RGS6: variants seen among roughly 807,000 people sequenced by gnomAD.
RGS6 encodes regulator of G-protein signaling 6.
In RGS6, 30 loss-of-function variants were observed where a neutral mutation model predicts 78.5. The observed-to-expected ratio is 0.38, with a 90% CI of 0.29 to 0.52. RGS6 has a LOEUF of 0.52. Ranked by LOEUF, RGS6 falls within the 20% of genes least tolerant of loss-of-function variation. The pLI, the probability that RGS6 is intolerant of heterozygous loss-of-function variation, is 0.85. For synonymous variants in RGS6, 206 were observed against 206.0 expected (o/e 1.00, Z 0.00); for missense variants, 495 against 609.7 (o/e 0.81, Z 1.98).
intron 3 of RGS6, among the ~76,000 whole-genome samples, chr14:72,356,960 G>T (rs1192581655): frequency 2.0e-5 from 3 of 152,166 alleles, no homozygotes; most frequent in Non-Finnish European, 2.9e-5. Flanking sequence ...GTGGGGCACT[G>T]CTGTAAAGAT....
intron 2 of RGS6, among the ~76,000 whole-genome samples, chr14:72,143,097 A>G (rs935007622): frequency 6.6e-6 from 1 of 152,138 alleles, no homozygotes; most frequent in Non-Finnish European, 1.5e-5. Flanking sequence ...GCTGGGCTCC[A>G]TGGCTCACAT....
At chr14:72,226,382 A>G (rs553404771) in intron 2 of RGS6, among the ~76,000 whole-genome samples, 1 of 152,380 alleles carries the variant, frequency 6.6e-6, no homozygotes, top group South Asian at 2.1e-4. Flanking sequence ...AGTATATGAG[A>G]TGAAAAATAT....
At chr14:72,212,474 G>A (rs552556933) in intron 2 of RGS6, among the ~76,000 whole-genome samples, 1 of 152,288 alleles carries the variant, frequency 6.6e-6, no homozygotes, top group East Asian at 1.9e-4. Flanking sequence ...TTGTCCATGG[G>A]AGCTGTGATT....
intron 3 of RGS6, among the ~76,000 whole-genome samples, chr14:72,424,558 T>TA (rs1328806378): frequency 1.3e-5 from 2 of 152,078 alleles, no homozygotes; most frequent in African/African-American, 4.8e-5. Context: ...AGAGGGGTTG[T>TA]AAAAAAAGAT....
chr14:72,118,482 A>G (rs1037669849), intron 2 of RGS6, among the ~76,000 whole-genome samples: 1 of 152,222 alleles, frequency 6.6e-6, no homozygotes, highest in Non-Finnish European at 1.5e-5. Context: ...CCCTTCCTGG[A>G]AAAATGATTT....
intron 2 of RGS6, among the ~76,000 whole-genome samples, chr14:72,240,023 A>T (rs190901589): frequency 6.6e-6 from 1 of 151,150 alleles, no homozygotes; most frequent in East Asian, 2.0e-4. Context: ...TCCTAACATG[A>T]ATCTACACAC....
chr14:71,887,049 C>T, the RGS6 span, among the ~76,000 whole-genome samples: 1 of 152,120 alleles, frequency 6.6e-6, no homozygotes, highest in Non-Finnish European at 1.5e-5. Context: ...ACTTGGGAGG[C>T]TGAGGTGTTG....
chr14:72,277,512 G>T (rs10132306), intron 2 of RGS6, among the ~76,000 whole-genome samples: 7,317 of 152,116 alleles, frequency 0.048, 343 homozygotes, highest in Middle Eastern at 0.13. Flanking sequence ...CAGAAGAATT[G>T]CTTGAACTAG....
At chr14:72,299,664 A>C (rs1181975054) in intron 2 of RGS6, among the ~76,000 whole-genome samples, 1 of 152,184 alleles carries the variant, frequency 6.6e-6, no homozygotes, top group East Asian at 1.9e-4. Flanking sequence ...CTTTTTTATT[A>C]CAGCCATCCT....
intron 12 of RGS6, among the ~76,000 whole-genome samples, chr14:72,488,291 G>A (rs996143055): frequency 2.6e-5 from 4 of 152,122 alleles, no homozygotes; most frequent in African/African-American, 9.7e-5. Flanking sequence ...ATGTCTTGAC[G>A]CCTCTTGCCT....
intron 2 of RGS6, among the ~76,000 whole-genome samples, chr14:72,028,822 G>T (rs1364822007): frequency 6.6e-6 from 1 of 152,144 alleles, no homozygotes; most frequent in African/African-American, 2.4e-5. Flanking sequence ...GTTGCTTTTG[G>T]CTGTCTAGGG....
intron 2 of RGS6, among the ~76,000 whole-genome samples, chr14:72,056,242 CCTAGGGGA>C (rs773411411): frequency 5.9e-5 from 9 of 152,184 alleles, no homozygotes; most frequent in Non-Finnish European, 1.3e-4. Context: ...CACAGAGCTC[CCTAGGGGA>C]CTAGCCTTTG....
At chr14:72,216,694 A>G (rs2045651299) in intron 2 of RGS6, among the ~76,000 whole-genome samples, 1 of 152,214 alleles carries the variant, frequency 6.6e-6, no homozygotes, top group African/African-American at 2.4e-5. Context: ...CGAAATAATG[A>G]ACCTGTAGAA....
intron 15 of RGS6, among the ~76,000 whole-genome samples, chr14:72,533,754 A>T (rs2097211097): frequency 6.6e-6 from 1 of 152,260 alleles, no homozygotes; most frequent in Admixed American, 6.5e-5. Flanking sequence ...AAATAGCAAG[A>T]GAACTAGAAT....
At chr14:71,935,450 A>G (rs886985149) in intron 1 of RGS6, among the ~76,000 whole-genome samples, 3 of 152,202 alleles carry the variant, frequency 2.0e-5, no homozygotes, top group Non-Finnish European at 4.4e-5. Flanking sequence ...TGGAAATATA[A>G]CTTGGAAATG....
At chr14:72,234,170 C>T (rs571059240) in intron 2 of RGS6, among the ~76,000 whole-genome samples, 21 of 151,916 alleles carry the variant, frequency 1.4e-4, no homozygotes, top group East Asian at 1.2e-3. Flanking sequence ...CGAATCATTC[C>T]GTTTTGCTTG....
chr14:72,325,317 G>C (rs2073419833), intron 2 of RGS6, among the ~76,000 whole-genome samples: 1 of 152,170 alleles, frequency 6.6e-6, no homozygotes, highest in African/African-American at 2.4e-5. Context: ...TGTTCACTCT[G>C]ATGGTAGTTT....
intron 12 of RGS6, among the ~76,000 whole-genome samples, chr14:72,494,765 A>G (rs2096622402): frequency 6.6e-6 from 1 of 152,182 alleles, no homozygotes; most frequent in South Asian, 2.1e-4. Context: ...GTGGAGCTGT[A>G]GTGTCTTTTG....
At chr14:72,620,099 TC>T in the RGS6 span, 1 of 1,087,200 alleles carries the variant, frequency 9.2e-7, no homozygotes, top group Non-Finnish European at 1.3e-6. Context: ...GGATCCCCTT[TC>T]CAGGCCCCAC....
Sources: allele counts gnomAD v4.1 joint callset (sites outside exome capture counted in the v4.1 genomes callset), GRCh38; gene constraint gnomAD v4.1.1; transcripts MANE v1.5; gene names NCBI Gene and HGNC (gene_info 2026-07-23, HGNC 2026-07-21).